Variants in FAN1 observed in about 807,000 individuals in gnomAD.
The protein encoded by FAN1 is FANCD2 and FANCI associated nuclease 1.
Under a neutral mutation model 104.9 loss-of-function variants are expected in FAN1, and 91 were observed. The observed-to-expected ratio is 0.87, with a 90% CI of 0.73 to 1.03. FAN1 has a LOEUF of 1.03. Ranked by LOEUF, FAN1 falls within the 50% of genes least tolerant of loss-of-function variation. FAN1 has a pLI of 0.00. For synonymous variants in FAN1, 478 were observed against 457.6 expected, an observed-to-expected ratio of 1.04 and a Z score of -0.57; for missense variants, 1,263 against 1,239.9, an observed-to-expected ratio of 1.02 and a Z score of -0.28.
intron 13 of FAN1, among the ~76,000 whole-genome samples, chr15:30,932,621 T>G (rs2062742577): frequency 6.6e-6 from 1 of 152,190 alleles, no homozygotes; most frequent in African/African-American, 2.4e-5. Context: ...TATTATCTGT[T>G]TCTTCTTGAT....
At chr15:30,941,167 G>T (rs938377558) in intron 14 of FAN1, 1 of 1,321,804 alleles carries the variant, frequency 7.6e-7, no homozygotes, top group African/African-American at 1.5e-5. Context: ...CTATCAGATA[G>T]CCTTCAGGAG....
chr15:30,909,239 G>C (rs1233671007), intron 3 of FAN1, among the ~76,000 whole-genome samples: 1 of 152,124 alleles, frequency 6.6e-6, no homozygotes, highest in African/African-American at 2.4e-5. Context: ...GGTTTCTTTG[G>C]GGCAGAGTTT....
chr15:30,926,021 G>C (rs2062454068), intron 10 of FAN1, 82 bp downstream of exon 10: 1 of 1,403,938 alleles, frequency 7.1e-7, no homozygotes, highest in African/African-American at 1.4e-5. Context: ...GCAGTGGGCT[G>C]CTGTCCTCTC....
rs1352089123 is a variant in FAN1, at chr15:30,927,990, A to C, written c.2489-563A>C. On this transcript the variant is annotated intron_variant, in intron 10 of 14. Coordinates refer to ENST00000362065, the MANE Select transcript of FAN1 (RefSeq NM_014967.5). ...ATCTTTAAGGCCAGATGTCTCTGTAAAAGCCTTGACTATCGGAAGCACTGG... is the reference window on the plus strand; with the variant it reads ...ATCTTTAAGGCCAGATGTCTCTGTACAAGCCTTGACTATCGGAAGCACTGG... 4.1e-6 allele frequency: 4 copies of C among 985,720 alleles called. No individual in the cohort carries two copies. The East Asian group carries it at 4.5e-4, about 112-fold the overall frequency. The allele number at this position is 985,720 out of a possible 1,614,324, so 61.1% of individuals were successfully genotyped here. A position where few individuals can be genotyped will look rare whatever the true frequency, so the allele number is the denominator to read the frequency against.
chr15:30,925,328 G>A (rs371200066), intron 9 of FAN1, 37 bp downstream of exon 9: 13 of 1,581,286 alleles, frequency 8.2e-6, no homozygotes, highest in African/African-American at 2.7e-5. Flanking sequence ...GGACTTAGGC[G>A]CGTGTACCTG....
intron 10 of FAN1, 194 bp from the exon 11 acceptor site, chr15:30,928,359 T>C (rs943319715): frequency 7.2e-7 from 1 of 1,395,584 alleles, no homozygotes; most frequent in Non-Finnish European, 9.3e-7. Flanking sequence ...TAAGGCTCTG[T>C]ATATAAACAA....
Position 30,911,007 on chromosome 15 carries a change from A to G in FAN1, c.1577+192A>G, listed in dbSNP as rs1464778008. 2.3e-6 allele frequency: 3 copies of G among 1,294,880 alleles called. No individual in the cohort carries two copies. In the African/African-American group the frequency reaches 4.6e-5, roughly 20 times the overall value. 80.2% of individuals were successfully genotyped at this position (1,294,880 alleles called of 1,614,324 possible). On this transcript the variant is annotated intron_variant, in intron 4 of 14. Transcript: ENST00000362065. The stretch of plus-strand genomic sequence containing the variant: ...TATTATTCAAAATTTTTGTCGTAAT[A>G]CCGTACTAATTTCCAGGACCAAGAA...
chr15:30,932,081 G>C (rs183104653), intron 13 of FAN1, among the ~76,000 whole-genome samples: 5 of 152,004 alleles, frequency 3.3e-5, no homozygotes. Context: ...AATTAGCCGG[G>C]TGTGGTGGCG....
intron 8 of FAN1, among the ~76,000 whole-genome samples, chr15:30,924,130 C>T (rs1025306139): frequency 2.0e-5 from 3 of 152,226 alleles, no homozygotes; most frequent in Non-Finnish European, 4.4e-5. Context: ...GTATTTTGCT[C>T]AGCATCATGT....
In FAN1 at chr15:30,904,512, G is replaced by A. The variant is rs1842789001; in HGVS notation, c.-152G>A. ...AATTTATATGTGTTTCTTCTTGTAG[G>A]AAGAAGAAATTGTCGAGACGAATAA... On this transcript the variant is annotated splice_region_variant and 5_prime_UTR_variant, in exon 2 of 15. Coordinates refer to ENST00000362065, the MANE Select transcript of FAN1 (RefSeq NM_014967.5). 4 of 796,592 alleles carry A rather than the reference G, an allele frequency of 5.0e-6. No individual in the cohort carries two copies. The highest frequency in any genetic ancestry group is 4.3e-5 in the South Asian group (3 of 70,438). 49.3% of individuals were successfully genotyped at this position (796,592 alleles called of 1,614,324 possible). A position where few individuals can be genotyped will look rare whatever the true frequency, so the allele number is the denominator to read the frequency against.
chr15:30,940,084 C>T, intron 14 of FAN1: 1 of 983,768 alleles, frequency 1.0e-6, no homozygotes, highest in Non-Finnish European at 1.2e-6. Context: ...AATAAGCTAA[C>T]TAGACACTTT....
Position 30,904,698 on chromosome 15 carries a change from G to T in FAN1, c.35G>T (p.Arg12Met). 1.2e-6 allele frequency: 2 copies of T among 1,604,898 alleles called. No homozygotes were observed. Among genetic ancestry groups the T allele is most frequent in the Non-Finnish European group, 1.7e-6 (2 of 1,175,630 alleles). ...MSEGKPPDKK[R>M]PRRSLSISKN... Reference sequence around the variant, plus strand: ...GAAGGGAAACCTCCTGACAAAAAAAGGCCTCGTAGAAGCTTATCAATCAGC... The same window carrying T: ...GAAGGGAAACCTCCTGACAAAAAAATGCCTCGTAGAAGCTTATCAATCAGC... Residue 12 changes from arginine to methionine, a missense_variant, in exon 2 of 15, where the codon AGG (arginine) becomes ATG (methionine). Arg to Met is a moderately conservative substitution (Grantham distance 91, BLOSUM62 -1). Transcript: ENST00000362065.
chr15:30,925,780 C>T lies in FAN1; in HGVS notation c.2338-9C>T, dbSNP rs755140957. 5 of 1,613,886 alleles carry T rather than the reference C, an allele frequency of 3.1e-6. No homozygotes were observed. In the South Asian group the frequency reaches 4.4e-5, roughly 14 times the overall value. On this transcript the variant is annotated splice_polypyrimidine_tract_variant and intron_variant, in intron 9 of 14. Coordinates refer to ENST00000362065, the MANE Select transcript of FAN1 (RefSeq NM_014967.5). ...GAGGCTAATAGATGTTATTCTGCTG[C>T]TGTTTCAGGTGACCATCACAGGCAG... is the stretch of plus-strand genomic sequence containing the variant.
chr15:30,906,307 A>G, intron 2 of FAN1: 1 of 461,504 alleles, frequency 2.2e-6, no homozygotes, highest in South Asian at 1.6e-5. Context: ...GTAGAATAAA[A>G]TACAATACAG....
chr15:30,940,985 C>T, intron 14 of FAN1: 1 of 1,131,472 alleles, frequency 8.8e-7, no homozygotes. Context: ...CCCCAGAACA[C>T]TGAACCTTCA....
intron 10 of FAN1, among the ~76,000 whole-genome samples, chr15:30,926,184 A>C (rs1595863671): frequency 6.6e-6 from 1 of 152,148 alleles, no homozygotes; most frequent in East Asian, 1.9e-4. Flanking sequence ...AAAGTTATGG[A>C]AGGTACTGCA....
chr15:30,915,828 G>A (rs1309910087), intron 5 of FAN1, among the ~76,000 whole-genome samples: 4 of 149,258 alleles, frequency 2.7e-5, no homozygotes, highest in Admixed American at 2.7e-4. Context: ...AAAAAATTTG[G>A]ATTTCCTTAA....
At chr15:30,910,851 A>C in intron 4 of FAN1, 36 bp downstream of exon 4, 1 of 1,595,430 alleles carries the variant, frequency 6.3e-7, no homozygotes, top group Non-Finnish European at 8.6e-7. Context: ...AAACATTTAA[A>C]ATGTTGATAG....
intron 13 of FAN1, among the ~76,000 whole-genome samples, chr15:30,933,305 C>A (rs567310777): frequency 3.9e-5 from 6 of 152,286 alleles, no homozygotes; most frequent in Admixed American, 3.9e-4. Context: ...CTGAACCTCA[C>A]AAATTTAGTA....
Sources: allele counts gnomAD v4.1 joint callset (sites outside exome capture counted in the v4.1 genomes callset), GRCh38; gene constraint gnomAD v4.1.1; transcripts MANE v1.5; gene names NCBI Gene and HGNC (gene_info 2026-07-23, HGNC 2026-07-21).